EPHB2: variants seen among roughly 807,000 people sequenced by gnomAD.
EPHB2 encodes EPH receptor B2.
EPHB2 carries 18 observed loss-of-function variants against 96.4 expected under a neutral mutation model. That is an observed-to-expected ratio of 0.19 (90% CI 0.13 to 0.28). The LOEUF (loss-of-function observed/expected upper bound fraction) is 0.28. Ranked by LOEUF, EPHB2 falls within the 10% of genes least tolerant of loss-of-function variation. The pLI is 1.00. For synonymous variants in EPHB2, 506 were observed against 534.1 expected, an observed-to-expected ratio of 0.95 and a Z score of 0.72; for missense variants, 989 against 1,355.4, an observed-to-expected ratio of 0.73 and a Z score of 4.25.
chr1:22,726,642 G>A (rs1478963938), intron 1 of EPHB2, among the ~76,000 whole-genome samples: 1 of 152,008 alleles, frequency 6.6e-6, no homozygotes, highest in Non-Finnish European at 1.5e-5. Context: ...GGCTGGTCTT[G>A]AACTCCTGAC....
At chr1:22,711,922 G>T (rs1272198565) in intron 1 of EPHB2, among the ~76,000 whole-genome samples, 1 of 152,238 alleles carries the variant, frequency 6.6e-6, no homozygotes, top group African/African-American at 2.4e-5. Context: ...GCTTGCTCTG[G>T]AGGGAAAGTT....
At chr1:22,739,250 C>T (rs1250955176) in intron 1 of EPHB2, among the ~76,000 whole-genome samples, 1 of 151,930 alleles carries the variant, frequency 6.6e-6, no homozygotes, top group Non-Finnish European at 1.5e-5. Flanking sequence ...GAGTCTCACT[C>T]TGTCACCCAG....
At chr1:22,758,026 C>G (rs1488616530) in intron 1 of EPHB2, among the ~76,000 whole-genome samples, 2 of 149,108 alleles carry the variant, frequency 1.3e-5, no homozygotes, top group Non-Finnish European at 3.0e-5. Flanking sequence ...TCACGCCATT[C>G]TCCTGCCTCA....
chr1:22,895,708 G>A, intron 8 of EPHB2, 128 bp downstream of exon 8: 2 of 890,198 alleles, frequency 2.2e-6, no homozygotes, highest in Non-Finnish European at 3.5e-6. Context: ...AGAGATGTGG[G>A]TAGGAAGTGG....
At chr1:22,876,535 T>TGGCCGGCCTCCCCCTGCCC (rs1638842466) in intron 5 of EPHB2, among the ~76,000 whole-genome samples, 2 of 152,294 alleles carry the variant, frequency 1.3e-5, no homozygotes, top group South Asian at 4.1e-4. Flanking sequence ...AGGCCCCGCC[T>TGGCCGGCCTCCCCCTGCCC]GGCCGGCCTC....
chr1:22,778,337 G>T (rs1452091362), intron 1 of EPHB2, among the ~76,000 whole-genome samples: 5 of 152,200 alleles, frequency 3.3e-5, no homozygotes, highest in Non-Finnish European at 7.3e-5. Flanking sequence ...AAGTGATATT[G>T]GTTACCAAGC....
Position 22,860,057 on chromosome 1 carries a change from T to C in EPHB2, c.812-2980T>C, listed in dbSNP as rs867024536. 1.3e-4 allele frequency among the ~76,000 whole-genome samples: 20 copies of C among 152,338 alleles called. No individual in the cohort carries two copies. Among genetic ancestry groups the C allele is most frequent in the Middle Eastern group, 6.8e-3 (2 of 294 alleles). On this transcript the variant is annotated intron_variant, in intron 3 of 15. Coordinates refer to ENST00000374630, the MANE Select transcript of EPHB2 (RefSeq NM_017449.5). This position sits in a 1 kb window ranked among gnomAD's most constrained non-coding sequence, Gnocchi z 4.6. ...GGCTGGCTTCTTTCACTGAGCACGATGTGTCCAGGGTTCACCTGTACCGTA... is the reference window on the plus strand; with the variant it reads ...GGCTGGCTTCTTTCACTGAGCACGACGTGTCCAGGGTTCACCTGTACCGTA...
At chr1:22,729,793 G>A (rs186522786) in intron 1 of EPHB2, among the ~76,000 whole-genome samples, 4 of 152,194 alleles carry the variant, frequency 2.6e-5, no homozygotes, top group African/African-American at 4.8e-5. Flanking sequence ...CTACCAGACC[G>A]TCAACTTTAC....
intron 11 of EPHB2, among the ~76,000 whole-genome samples, 181 bp from the exon 12 acceptor site, chr1:22,907,772 C>T (rs1307299190): frequency 6.6e-6 from 1 of 152,196 alleles, no homozygotes; most frequent in Non-Finnish European, 1.5e-5. Context: ...GTGTTCTCAC[C>T]ACCACTCTGA....
intron 1 of EPHB2, chr1:22,775,057 C>T: frequency 1.5e-6 from 1 of 678,814 alleles, no homozygotes; most frequent in South Asian, 1.7e-5. Flanking sequence ...TCCTCCTGCC[C>T]CTTGCTATTC....
intron 1 of EPHB2, among the ~76,000 whole-genome samples, chr1:22,760,673 G>A (rs184009092): frequency 2.7e-4 from 41 of 152,290 alleles, no homozygotes; most frequent in African/African-American, 9.9e-4. Context: ...AGACCGCAGA[G>A]GCTGGGCCAG....
chr1:22,784,442 C>T lies in EPHB2; in HGVS notation c.177C>T (p.Tyr59=). ...AGAACATGAACACGATCCGCACGTACCAGGTGTGCAACGTGTTTGAGTCAA... is the reference window on the plus strand; with the variant it reads ...AGAACATGAACACGATCCGCACGTATCAGGTGTGCAACGTGTTTGAGTCAA... ...YDENMNTIRT[Y]QVCNVFESSQ... is the part of the protein sequence containing the mutation. The change falls in exon 3 of 16, where the codon TAC becomes TAT. Residue 59 remains tyrosine (Y), a synonymous_variant. Transcript: ENST00000374630. This position sits in a 1 kb window ranked among gnomAD's most constrained non-coding sequence, Gnocchi z 5.1. 3 of 1,614,186 alleles carry T rather than the reference C, an allele frequency of 1.9e-6. No homozygotes were observed. The highest frequency in any genetic ancestry group is 2.5e-6 in the Non-Finnish European group (3 of 1,180,044).
Position 22,881,469 on chromosome 1 carries a change from G to A in EPHB2, c.1304-890G>A, listed in dbSNP as rs189593682. Reference sequence around the variant, plus strand: ...CTACCTGGGAGGCTGAGGTGGGAGGGTCACTTGAGCCCAGGAAGTTGAGGC... The same window carrying A: ...CTACCTGGGAGGCTGAGGTGGGAGGATCACTTGAGCCCAGGAAGTTGAGGC... On this transcript the variant is annotated intron_variant, in intron 5 of 15. Coordinates refer to ENST00000374630, the MANE Select transcript of EPHB2 (RefSeq NM_017449.5). Among the ~76,000 whole-genome samples, 552 of 152,120 alleles carry A rather than the reference G, an allele frequency of 3.6e-3. 2 individuals carry two copies. The highest frequency in any genetic ancestry group is 0.024 in the Middle Eastern group (7 of 292).
chr1:22,897,842 G>A (rs1639617014), intron 9 of EPHB2, among the ~76,000 whole-genome samples: 1 of 151,884 alleles, frequency 6.6e-6, no homozygotes, highest in Admixed American at 6.6e-5. Flanking sequence ...GCTCACGCCT[G>A]TAATCCCACC....
chr1:22,801,858 C>T (rs1644847870), intron 3 of EPHB2, among the ~76,000 whole-genome samples: 1 of 152,216 alleles, frequency 6.6e-6, no homozygotes, highest in Non-Finnish European at 1.5e-5. Context: ...CCCTTTGATT[C>T]TCCTCTACCC....
Position 22,740,016 on chromosome 1 carries a change from C to A in EPHB2, c.61+28973C>A, listed in dbSNP as rs183971795. Among the ~76,000 whole-genome samples, 489 of 152,266 alleles carry A rather than the reference C, an allele frequency of 3.2e-3. 3 individuals are homozygous for A. The highest frequency in any genetic ancestry group is 6.0e-3 in the Non-Finnish European group (408 of 68,016). ...AAAATAAATCCTTAGAGAAACCAGG[C>A]GCTGAGGCAGGGAGGCCTGGTGAGG... On this transcript the variant is annotated intron_variant, in intron 1 of 15. Coordinates refer to ENST00000374630, the MANE Select transcript of EPHB2 (RefSeq NM_017449.5).
chr1:22,820,440 C>G (rs1266951195), intron 3 of EPHB2, among the ~76,000 whole-genome samples: 2 of 152,208 alleles, frequency 1.3e-5, no homozygotes, highest in African/African-American at 4.8e-5. Flanking sequence ...GCAGGAGGAT[C>G]ACTTGAGCCC....
Position 22,860,718 on chromosome 1 carries a change from C to T in EPHB2, c.812-2319C>T, listed in dbSNP as rs80337238. ...TGATCTTGGGGCCAAAACCCTTTGG[C>T]ATCTCTAAGGATGGTTCTAGACCTT... On this transcript the variant is annotated intron_variant, in intron 3 of 15. Transcript: ENST00000374630. The surrounding 1 kb of genome is among the most constrained non-coding windows in gnomAD (Gnocchi z 4.6). Among the ~76,000 whole-genome samples the T allele has an allele frequency of 4.3e-3, 662 of 152,286 alleles. 5 individuals carry two copies. Among genetic ancestry groups the T allele is most frequent in the African/African-American group, 0.015 (636 of 41,560 alleles).
chr1:22,912,450 C>T lies in EPHB2; in HGVS notation c.2703C>T (p.Asn901=), dbSNP rs769025129. ...KAMAPLSSGI[N]LPLLDRTIPD... ...CGCCCACCCCCAACCCCAGCATCAACCTGCCGCTGCTGGACCGCACGATCC... is the reference window on the plus strand; with the variant it reads ...CGCCCACCCCCAACCCCAGCATCAATCTGCCGCTGCTGGACCGCACGATCC... The change falls in exon 15 of 16, where the codon AAC becomes AAT. Residue 901 remains asparagine (N), a synonymous_variant. Transcript: ENST00000374630. 6.2e-6 allele frequency: 10 copies of T among 1,613,950 alleles called. No homozygotes were observed. In the East Asian group the frequency reaches 2.0e-4, roughly 32 times the overall value.
Sources: allele counts gnomAD v4.1 joint callset (sites outside exome capture counted in the v4.1 genomes callset), GRCh38; gene constraint gnomAD v4.1.1; non-coding constraint Gnocchi (gnomAD v3.1); transcripts MANE v1.5; gene names NCBI Gene and HGNC (gene_info 2026-07-23, HGNC 2026-07-21).